CSGALNACT1: variants seen among roughly 807,000 people sequenced by gnomAD.
CSGALNACT1 encodes the protein beta4GalNAcT-1.
In CSGALNACT1, 52 loss-of-function variants were observed where a neutral mutation model predicts 51.0. The observed-to-expected ratio is 1.02, with a 90% CI of 0.82 to 1.29. The LOEUF is 1.29. Among genes scored for constraint, CSGALNACT1 ranks in the 50% most tolerant of loss-of-function variants. The probability of loss-of-function intolerance (pLI) is 0.00; values close to 1 mark genes in which losing one functional copy is unlikely to be tolerated. For synonymous variants in CSGALNACT1, 341 were observed against 254.4 expected, an observed-to-expected ratio of 1.34 and a Z score of -3.24; for missense variants, 935 against 679.2, an observed-to-expected ratio of 1.38 and a Z score of -4.19.
chr8:19,625,604 C>A (rs1258636113), intron 1 of CSGALNACT1, among the ~76,000 whole-genome samples: 1 of 152,190 alleles, frequency 6.6e-6, no homozygotes, highest in African/African-American at 2.4e-5. Flanking sequence ...GTATAGGAAT[C>A]TGCAGTTTTA....
intron 4 of CSGALNACT1, among the ~76,000 whole-genome samples, chr8:19,492,780 T>A (rs1413997014): frequency 6.6e-6 from 1 of 152,226 alleles, no homozygotes; most frequent in African/African-American, 2.4e-5. Flanking sequence ...ATATCGTATT[T>A]AAAACATTAT....
Position 19,523,469 on chromosome 8 carries a change from A to G in CSGALNACT1, c.-296-17339T>C, listed in dbSNP as rs2081108364. Among the ~76,000 whole-genome samples, 5 of 151,924 alleles carry G rather than the reference A, an allele frequency of 3.3e-5. No individual in the cohort carries two copies. In the South Asian group the frequency reaches 8.3e-4, roughly 25 times the overall value. ...ACTTTTTGTGGAGACGTAGTCTTGC[A>G]ATGTTGTCCAGGTTGGTCTTGGACT... On this transcript the variant is annotated intron_variant, in intron 3 of 9. Coordinates refer to ENST00000454498, the Ensembl canonical transcript of CSGALNACT1.
intron 3 of CSGALNACT1, among the ~76,000 whole-genome samples, chr8:19,518,856 C>A (rs988156212): frequency 2.0e-5 from 3 of 152,184 alleles, no homozygotes; most frequent in Non-Finnish European, 4.4e-5. Flanking sequence ...TCACCACACT[C>A]TGTGTTGGGA....
intron 4 of CSGALNACT1, among the ~76,000 whole-genome samples, chr8:19,499,318 C>T (rs1489295243): frequency 1.3e-5 from 2 of 152,154 alleles, no homozygotes; most frequent in Non-Finnish European, 2.9e-5. Context: ...GTGTCTGCAT[C>T]TACCACCAGA....
chr8:19,744,863 T>C (rs1337843608), intron 1 of CSGALNACT1, among the ~76,000 whole-genome samples: 1 of 152,226 alleles, frequency 6.6e-6, no homozygotes, highest in East Asian at 1.9e-4. Flanking sequence ...TGTACTATAC[T>C]TGCCACACTT....
chr8:19,561,149 A>T (rs1033722160), intron 3 of CSGALNACT1, among the ~76,000 whole-genome samples: 6 of 152,172 alleles, frequency 3.9e-5, no homozygotes, highest in African/African-American at 1.4e-4. Flanking sequence ...AAAAATGAGA[A>T]GACTAGGTGT....
Position 19,519,148 on chromosome 8 carries a change from T to G in CSGALNACT1, c.-296-13018A>C, listed in dbSNP as rs10106270. 6.5e-3 allele frequency among the ~76,000 whole-genome samples: 983 copies of G among 152,322 alleles called. 9 individuals are homozygous for G. Among genetic ancestry groups the G allele is most frequent in the African/African-American group, 0.022 (930 of 41,564 alleles). On this transcript the variant is annotated intron_variant, in intron 3 of 9. Transcript: ENST00000454498. ...AAAAGATACAGGTAAAAGTGTTCAC[T>G]TTGAGTCTAAGGTAGTGACCTAGTC...
chr8:19,451,729 C>T (rs923425511), intron 5 of CSGALNACT1, among the ~76,000 whole-genome samples: 2 of 152,120 alleles, frequency 1.3e-5, no homozygotes, highest in African/African-American at 2.4e-5. Flanking sequence ...TCCAAGAAGA[C>T]ATATTTATTG....
intron 1 of CSGALNACT1, among the ~76,000 whole-genome samples, chr8:19,648,597 C>T (rs2057490713): frequency 1.3e-5 from 2 of 152,146 alleles, no homozygotes; most frequent in African/African-American, 4.8e-5. Flanking sequence ...TGCCTGAGCC[C>T]AGGAGTTCCA....
chr8:19,676,441 C>T (rs1407151793), intron 1 of CSGALNACT1, among the ~76,000 whole-genome samples: 1 of 152,146 alleles, frequency 6.6e-6, no homozygotes, highest in Non-Finnish European at 1.5e-5. Flanking sequence ...CCAAAATTCA[C>T]GGAATCGTCT....
intron 5 of CSGALNACT1, among the ~76,000 whole-genome samples, chr8:19,446,844 C>T (rs1424643610): frequency 6.6e-6 from 1 of 152,136 alleles, no homozygotes; most frequent in African/African-American, 2.4e-5. Context: ...CACAAAGACT[C>T]TTTTTAGGAT....
intron 4 of CSGALNACT1, among the ~76,000 whole-genome samples, chr8:19,485,865 C>G (rs541363282): frequency 2.2e-5 from 3 of 139,288 alleles, no homozygotes; most frequent in African/African-American, 2.7e-5. Context: ...CTACCAGGTT[C>G]AAGCAAATCT....
chr8:19,409,002 C>A (rs572543476), intron 8 of CSGALNACT1, among the ~76,000 whole-genome samples: 32 of 107,994 alleles, frequency 3.0e-4, no homozygotes, highest in African/African-American at 1.0e-3. Flanking sequence ...ACCGGGAGAG[C>A]CAGTCTTTGA....
chr8:19,543,297 A>C (rs1263683471), intron 3 of CSGALNACT1, among the ~76,000 whole-genome samples: 2 of 152,192 alleles, frequency 1.3e-5, no homozygotes, highest in African/African-American at 4.8e-5. Flanking sequence ...TACCAAGATG[A>C]ATTGCAGTTC....
chr8:19,423,390 G>T (rs570358530), intron 6 of CSGALNACT1, among the ~76,000 whole-genome samples: 11 of 152,188 alleles, frequency 7.2e-5, no homozygotes, highest in Non-Finnish European at 1.6e-4. Context: ...CTGAGTGAAC[G>T]GTAGAGACAG....
chr8:19,664,141 T>C (rs921105721), intron 1 of CSGALNACT1, among the ~76,000 whole-genome samples: 4 of 152,198 alleles, frequency 2.6e-5, no homozygotes, highest in Non-Finnish European at 4.4e-5. Context: ...GATATTGATA[T>C]CCTCTCCTAA....
chr8:19,686,514 G>C (rs1462098952), upstream of CSGALNACT1, among the ~76,000 whole-genome samples: 1 of 152,112 alleles, frequency 6.6e-6, no homozygotes, highest in African/African-American at 2.4e-5. Context: ...GCTGTCCTTG[G>C]GGGTTTGTCT....
At chr8:19,625,500 C>T (rs1270533622) in intron 1 of CSGALNACT1, among the ~76,000 whole-genome samples, 1 of 152,186 alleles carries the variant, frequency 6.6e-6, no homozygotes. Context: ...TCCCAGGTTT[C>T]TCAAAAGGTG....
intron 1 of CSGALNACT1, among the ~76,000 whole-genome samples, chr8:19,636,206 G>C (rs117308164): frequency 1.3e-5 from 2 of 152,026 alleles, no homozygotes; most frequent in African/African-American, 2.4e-5. Flanking sequence ...TAGAGAGAGA[G>C]AGATCAGTTT....
Sources: allele counts gnomAD v4.1 joint callset (sites outside exome capture counted in the v4.1 genomes callset), GRCh38; gene constraint gnomAD v4.1.1; transcripts MANE v1.5; gene names NCBI Gene and HGNC (gene_info 2026-07-23, HGNC 2026-07-21).